The following ARL15 variants were observed in gnomAD, a reference collection of about 807,000 sequenced individuals.
The protein encoded by ARL15 is ADP-ribosylation factor-like protein 15.
Under a neutral mutation model 25.2 loss-of-function variants are expected in ARL15, and 19 were observed. That is an observed-to-expected ratio of 0.75 (90% confidence interval 0.53 to 1.10). The LOEUF is 1.10. Among genes scored for constraint, ARL15 ranks in the 50% least tolerant of loss-of-function variants. ARL15 has a pLI of 0.00. For synonymous variants in ARL15, 94 were observed against 86.8 expected (o/e 1.08, Z -0.46); for missense variants, 220 against 246.0 (o/e 0.89, Z 0.71).
intron 4 of ARL15, among the ~76,000 whole-genome samples, chr5:54,058,922 G>C (rs1750973364): frequency 6.6e-6 from 1 of 152,204 alleles, no homozygotes; most frequent in South Asian, 2.1e-4. Context: ...CATCAGGAGT[G>C]ATGATGGAAG....
chr5:54,107,270 A>T (rs1752618377), intron 4 of ARL15, among the ~76,000 whole-genome samples: 1 of 152,132 alleles, frequency 6.6e-6, no homozygotes, highest in Non-Finnish European at 1.5e-5. Context: ...GAATTCTGGG[A>T]GATACAATTC....
intron 4 of ARL15, among the ~76,000 whole-genome samples, chr5:53,919,857 C>A (rs1745788647): frequency 6.6e-6 from 1 of 152,158 alleles, no homozygotes; most frequent in Non-Finnish European, 1.5e-5. Flanking sequence ...GCAACTTGAA[C>A]TAGAAAGATC....
At chr5:54,235,272 T>C (rs556775448) in intron 1 of ARL15, among the ~76,000 whole-genome samples, 1 of 152,314 alleles carries the variant, frequency 6.6e-6, no homozygotes, top group African/African-American at 2.4e-5. Context: ...TTTAATTCTA[T>C]GCATCTTTCT....
At chr5:54,143,619 ATTGTT>A (rs1267505563) in intron 3 of ARL15, among the ~76,000 whole-genome samples, 15 of 151,832 alleles carry the variant, frequency 9.9e-5, no homozygotes, top group East Asian at 3.9e-4. Context: ...AACTTTTTTG[ATTGTT>A]TTATTTCTTT....
intron 4 of ARL15, among the ~76,000 whole-genome samples, chr5:53,995,327 A>AAT (rs1748634588): frequency 7.1e-6 from 1 of 139,970 alleles, no homozygotes; most frequent in South Asian, 2.4e-4. Flanking sequence ...AAAAAAAAAA[A>AAT]GCAATTGGGG....
intron 4 of ARL15, among the ~76,000 whole-genome samples, chr5:54,004,494 CAAAA>C (rs10587860): frequency 7.9e-6 from 1 of 126,248 alleles, no homozygotes. Context: ...GACTGTGTCT[CAAAA>C]AAAAAAAAAA....
rs1490959014 is a variant in ARL15, at chr5:54,249,468, G to A, written c.48+60964C>T. Among the ~76,000 whole-genome samples the A allele has an allele frequency of 8.5e-5, 13 of 152,060 alleles. 1 individual carries two copies. The highest frequency in any genetic ancestry group is 8.5e-4 in the Admixed American group (13 of 15,256). Reference sequence around the variant, plus strand: ...GATATAAGAGGAAGTGAAGATAACAGAGAAAAAAGTTCAGAAGGGAACGGG... The same window carrying A: ...GATATAAGAGGAAGTGAAGATAACAAAGAAAAAAGTTCAGAAGGGAACGGG... On this transcript the variant is annotated intron_variant, in intron 1 of 4. Coordinates refer to ENST00000504924, the MANE Select transcript of ARL15 (RefSeq NM_019087.3).
At chr5:53,923,084 G>T (rs1489792991) in intron 4 of ARL15, among the ~76,000 whole-genome samples, 2 of 152,164 alleles carry the variant, frequency 1.3e-5, no homozygotes, top group Non-Finnish European at 2.9e-5. Flanking sequence ...ACACCCTAAA[G>T]AAGTCTTCTC....
intron 2 of ARL15, among the ~76,000 whole-genome samples, chr5:54,164,885 G>C (rs1561249479): frequency 1.3e-5 from 2 of 151,704 alleles, no homozygotes; most frequent in South Asian, 4.2e-4. Flanking sequence ...GTTTAGGTTT[G>C]ACTGTATCAC....
At chr5:54,147,940 G>A (rs1286839236) in intron 3 of ARL15, among the ~76,000 whole-genome samples, 1 of 152,146 alleles carries the variant, frequency 6.6e-6, no homozygotes, top group Non-Finnish European at 1.5e-5. Flanking sequence ...ACATTCATAA[G>A]TATTTGGCTG....
chr5:54,150,479 G>A (rs1051117749), intron 3 of ARL15, among the ~76,000 whole-genome samples: 1 of 152,152 alleles, frequency 6.6e-6, no homozygotes, highest in African/African-American at 2.4e-5. Context: ...TCTTTGAGCA[G>A]AGAGCAAGGT....
chr5:54,140,457 TAGATAGATAG>T (rs1343552800), intron 3 of ARL15, among the ~76,000 whole-genome samples: 14 of 137,484 alleles, frequency 1.0e-4, no homozygotes, highest in Non-Finnish European at 2.1e-4. Flanking sequence ...GATAGATAGA[TAGATAGATAG>T]AGATAGAGAT....
intron 4 of ARL15, among the ~76,000 whole-genome samples, chr5:54,030,735 C>T (rs1381773035): frequency 6.6e-6 from 1 of 152,112 alleles, no homozygotes; most frequent in Non-Finnish European, 1.5e-5. Context: ...TGATGGGTTT[C>T]AGCAGAGATG....
At chr5:54,158,167 G>T (rs763234802) in intron 2 of ARL15, among the ~76,000 whole-genome samples, 1 of 152,120 alleles carries the variant, frequency 6.6e-6, no homozygotes, top group Non-Finnish European at 1.5e-5. Flanking sequence ...TTCTCAAAGG[G>T]TTGCTTTGAG....
chr5:54,267,639 T>C (rs944119052), intron 1 of ARL15, among the ~76,000 whole-genome samples: 1 of 152,076 alleles, frequency 6.6e-6, no homozygotes, highest in Non-Finnish European at 1.5e-5. Flanking sequence ...CATTACTTTT[T>C]TTAAAAAAAA....
intron 2 of ARL15, among the ~76,000 whole-genome samples, chr5:54,167,794 A>C (rs1754616018): frequency 6.6e-6 from 1 of 152,150 alleles, no homozygotes; most frequent in Non-Finnish European, 1.5e-5. Flanking sequence ...CAAAGAGTTA[A>C]GGAGTGAAAA....
At chr5:53,947,174 G>GTGTT (rs1746773592) in intron 4 of ARL15, among the ~76,000 whole-genome samples, 3 of 60,478 alleles carry the variant, frequency 5.0e-5, no homozygotes, top group Non-Finnish European at 6.4e-5. Flanking sequence ...AAGGGTGTGT[G>GTGTT]TGTGTGTGTG....
chr5:54,025,176 A>G (rs1321298704), intron 4 of ARL15, among the ~76,000 whole-genome samples: 1 of 152,144 alleles, frequency 6.6e-6, no homozygotes, highest in African/African-American at 2.4e-5. Context: ...TTGTGGAACA[A>G]ATGGAAAGTG....
chr5:54,260,603 A>G, intron 1 of ARL15, among the ~76,000 whole-genome samples: 1 of 152,180 alleles, frequency 6.6e-6, no homozygotes, highest in Non-Finnish European at 1.5e-5. Context: ...CCACTTAACA[A>G]AGAAATAAAA....
Sources: allele counts gnomAD v4.1 joint callset (sites outside exome capture counted in the v4.1 genomes callset), GRCh38; gene constraint gnomAD v4.1.1; transcripts MANE v1.5; gene names NCBI Gene and HGNC (gene_info 2026-07-23, HGNC 2026-07-21).